PDE11A: variants seen among roughly 807,000 people sequenced by gnomAD.
The protein encoded by PDE11A is dual 3',5'-cyclic-AMP and -GMP phosphodiesterase 11A.
In PDE11A, 100 loss-of-function variants were observed where a neutral mutation model predicts 100.5. The observed-to-expected ratio is 1.00, with a 90% confidence interval of 0.85 to 1.18. The LOEUF is 1.18. Among genes scored for constraint, PDE11A ranks in the 50% most tolerant of loss-of-function variants. PDE11A has a pLI of 0.00. For synonymous variants in PDE11A, 381 were observed against 420.8 expected, an observed-to-expected ratio of 0.91 and a Z score of 1.16; for missense variants, 1,141 against 1,152.6, an observed-to-expected ratio of 0.99 and a Z score of 0.15.
intron 5 of PDE11A, among the ~76,000 whole-genome samples, chr2:177,851,965 C>G (rs936894986): frequency 2.0e-5 from 3 of 152,058 alleles, no homozygotes; most frequent in Non-Finnish European, 4.4e-5. Context: ...GTGTTCTCAT[C>G]ATTTAGCTCC....
chr2:177,792,179 A>G (rs896979315), intron 9 of PDE11A, among the ~76,000 whole-genome samples: 1 of 152,196 alleles, frequency 6.6e-6, no homozygotes, highest in Non-Finnish European at 1.5e-5. Context: ...ATAGGTTATT[A>G]AATGTATTAA....
intron 2 of PDE11A, among the ~76,000 whole-genome samples, chr2:177,952,648 A>C (rs1443173972): frequency 1.3e-5 from 2 of 151,770 alleles, no homozygotes; most frequent in African/African-American, 4.8e-5. Context: ...ATCCCTCTTT[A>C]TTTTCTTTCT....
chr2:177,768,151 T>C (rs1441318108), intron 10 of PDE11A, among the ~76,000 whole-genome samples: 2 of 152,110 alleles, frequency 1.3e-5, no homozygotes, highest in Non-Finnish European at 2.9e-5. Flanking sequence ...TTGCGAGGAG[T>C]TCTTTTATCC....
chr2:177,953,279 T>C (rs1467955253), intron 2 of PDE11A: 1 of 152,060 alleles, frequency 6.6e-6, no homozygotes, highest in Non-Finnish European at 1.5e-5. Flanking sequence ...CCTGGTGAGG[T>C]TCCTACAATT....
rs115412138 is a variant in PDE11A at position 177,719,128 on chromosome 2, C to T, written c.2044-7250G>A. On this transcript the variant is annotated intron_variant, in intron 12 of 19. Coordinates refer to ENST00000286063, the MANE Select transcript of PDE11A (RefSeq NM_016953.4). ...TGCTTGGTTTCTGGAGGAGGTGCAC[C>T]ATGGACTGCACACCCTTGCCATGTG... Among the ~76,000 whole-genome samples, 342 of 152,216 alleles carry T rather than the reference C, an allele frequency of 2.2e-3. 1 individual carries two copies. Among genetic ancestry groups the T allele is most frequent in the African/African-American group, 7.9e-3 (326 of 41,524 alleles).
At chr2:177,631,732 T>G (rs183806957) in intron 19 of PDE11A, among the ~76,000 whole-genome samples, 300 of 150,242 alleles carry the variant, frequency 2.0e-3, no homozygotes, top group Admixed American at 3.1e-3. Flanking sequence ...AATGTATGGA[T>G]TTTTAAGCAT....
chr2:178,091,385 C>T (rs2087421590), intron 2 of PDE11A, among the ~76,000 whole-genome samples: 1 of 152,170 alleles, frequency 6.6e-6, no homozygotes, highest in African/African-American at 2.4e-5. Context: ...AATATCTTAA[C>T]TAGCTAACAT....
chr2:177,848,274 C>G (rs566129666), intron 5 of PDE11A, among the ~76,000 whole-genome samples: 1 of 151,966 alleles, frequency 6.6e-6, no homozygotes, highest in African/African-American at 2.4e-5. Flanking sequence ...AAAAAAACAG[C>G]AGACAGTAAA....
At chr2:178,088,319 G>C (rs2087383401) in intron 2 of PDE11A, among the ~76,000 whole-genome samples, 1 of 152,186 alleles carries the variant, frequency 6.6e-6, no homozygotes, top group Non-Finnish European at 1.5e-5. Context: ...AAACATAAAT[G>C]CTCAAAATTA....
chr2:177,996,290 C>T (rs2086074054), intron 2 of PDE11A, among the ~76,000 whole-genome samples: 2 of 150,420 alleles, frequency 1.3e-5, no homozygotes, highest in Admixed American at 1.3e-4. Context: ...TTTTAAATAA[C>T]AATAATCATG....
intron 19 of PDE11A, among the ~76,000 whole-genome samples, chr2:177,630,146 G>C (rs1056589265): frequency 6.6e-6 from 1 of 152,192 alleles, no homozygotes; most frequent in African/African-American, 2.4e-5. Context: ...AAGGGAAGCA[G>C]TGTGGAAGAG....
rs989805720 is a variant in PDE11A at position 177,939,012 on chromosome 2, C to G, written c.1072-33825G>C. Among the ~76,000 whole-genome samples, 13 of 152,322 alleles carry G rather than the reference C, an allele frequency of 8.5e-5. 1 individual carries two copies. The highest frequency in any genetic ancestry group is 3.4e-3 in the Middle Eastern group (1 of 294). On this transcript the variant is annotated intron_variant, in intron 2 of 19. Transcript: ENST00000286063. ...CTTAGAAGCAACAACCATGCTGACA[C>G]CTTGATGGTGGACATCTAGCCTCTA...
At chr2:177,715,447 A>T (rs2081422600) in intron 12 of PDE11A, among the ~76,000 whole-genome samples, 1 of 151,652 alleles carries the variant, frequency 6.6e-6, no homozygotes, top group African/African-American at 2.4e-5. Context: ...ACAATGAAGA[A>T]ATTTACTAAT....
chr2:177,728,635 C>T (rs570452680), intron 10 of PDE11A, among the ~76,000 whole-genome samples: 13 of 152,246 alleles, frequency 8.5e-5, no homozygotes, highest in Admixed American at 5.9e-4. Flanking sequence ...GTAGCTTGCA[C>T]GTGTTCTTTG....
At chr2:177,660,360 C>CAATA (rs1327644961) in intron 19 of PDE11A, among the ~76,000 whole-genome samples, 5 of 152,078 alleles carry the variant, frequency 3.3e-5, no homozygotes. Context: ...AGAGCTAAAT[C>CAATA]AATACCACAA....
chr2:177,859,708 T>C (rs1486082688), intron 5 of PDE11A, among the ~76,000 whole-genome samples: 1 of 151,820 alleles, frequency 6.6e-6, no homozygotes, highest in Admixed American at 6.6e-5. Context: ...GGATAGCCCA[T>C]ACTTTAGGTC....
At chr2:177,966,150 C>T (rs1012446147) in intron 2 of PDE11A, among the ~76,000 whole-genome samples, 4 of 152,080 alleles carry the variant, frequency 2.6e-5, no homozygotes, top group Non-Finnish European at 5.9e-5. Flanking sequence ...TGATTTGGCT[C>T]TCAGCTTGGA....
At chr2:177,681,197 C>CT (rs1283626808) in intron 15 of PDE11A, among the ~76,000 whole-genome samples, 5 of 152,196 alleles carry the variant, frequency 3.3e-5, no homozygotes, top group Admixed American at 3.3e-4. Flanking sequence ...TGCTGTGAAG[C>CT]CCTAGTGATA....
At position 177,871,525 on chromosome 2, in the gene PDE11A, AATTATTATTATT is replaced by A. The variant is rs142275376; in HGVS notation, c.1367+4322_1367+4333del. Among the ~76,000 whole-genome samples, 730 of 138,248 alleles carry A rather than the reference AATTATTATTATT, an allele frequency of 5.3e-3. 3 individuals are homozygous for A. The highest frequency in any genetic ancestry group is 0.023 in the South Asian group (96 of 4,252). The allele number at this position is 138,248 out of a possible 152,430, so 90.7% of individuals were successfully genotyped here. ...TGGAAGAAATGATGAGTCAGTAGTA[AATTATTATTATT>A]ATTATTATTATTATTATTATTATTA... On this transcript the variant is annotated intron_variant, in intron 5 of 19. Transcript: ENST00000286063.
Sources: allele counts gnomAD v4.1 joint callset (sites outside exome capture counted in the v4.1 genomes callset), GRCh38; gene constraint gnomAD v4.1.1; transcripts MANE v1.5; gene names NCBI Gene and HGNC (gene_info 2026-07-23, HGNC 2026-07-21).